ABCB4: variants seen among roughly 807,000 people sequenced by gnomAD.
ABCB4 encodes the protein phosphatidylcholine translocator ABCB4.
Under a neutral mutation model 145.7 loss-of-function variants are expected in ABCB4, and 76 were observed. The ratio of observed to expected loss-of-function variants is 0.52; its 90% CI spans 0.43 to 0.63. ABCB4 has a LOEUF of 0.63. ABCB4 is among the 30% of genes least tolerant of loss of function. ABCB4 has a pLI of 0.00. For synonymous variants in ABCB4, 517 were observed against 566.8 expected (o/e 0.91, Z 1.25); for missense variants, 1,234 against 1,553.1 (o/e 0.79, Z 3.45).
intron 2 of ABCB4, among the ~76,000 whole-genome samples, chr7:87,473,703 C>G (rs1813601044): frequency 6.6e-6 from 1 of 151,064 alleles, no homozygotes; most frequent in African/African-American, 2.5e-5. Flanking sequence ...GTCCTCCGTA[C>G]TATAATATAA....
At chr7:87,374,177 A>G in the ABCB4 span, among the ~76,000 whole-genome samples, 1 of 152,132 alleles carries the variant, frequency 6.6e-6, no homozygotes, top group East Asian at 1.9e-4. Context: ...AATATAAAAA[A>G]TTAGATGTGT....
At chr7:87,410,705 AC>A (rs1808558998) in intron 23 of ABCB4, among the ~76,000 whole-genome samples, 1 of 151,810 alleles carries the variant, frequency 6.6e-6, no homozygotes, top group Non-Finnish European at 1.5e-5. Flanking sequence ...CTATCCCCCT[AC>A]TCCATGTCTG....
chr7:87,373,746 T>C, the ABCB4 span, among the ~76,000 whole-genome samples: 1 of 151,866 alleles, frequency 6.6e-6, no homozygotes, highest in East Asian at 1.9e-4. Context: ...GTAGACGAGA[T>C]TACCAAGGGA....
Position 87,422,246 on chromosome 7 carries a change from C to T in ABCB4, c.2212-21G>A, listed in dbSNP as rs191593545. ...AAAATCTACAAAAGAATATTTAAAA[C>T]GCCCACTTGGATTACATAACTGATC... is the stretch of plus-strand genomic sequence containing the variant. On this transcript the variant is annotated intron_variant, in intron 17 of 27. Transcript: ENST00000649586. The T allele has an allele frequency of 3.2e-5, 50 of 1,572,590 alleles. No individual in the cohort carries two copies. In the East Asian group the frequency reaches 4.3e-4, roughly 14 times the overall value.
chr7:87,443,703 T>C lies in ABCB4; in HGVS notation c.1190A>G (p.Asn397Ser), dbSNP rs765665155. ...AGAAGGGTAAGAAAAGTGAACATCATTGAACTCCAAATTCCCTTTGATGCT... is the reference window on the plus strand; with the variant it reads ...AGAAGGGTAAGAAAAGTGAACATCACTGAACTCCAAATTCCCTTTGATGCT... ...PDSIKGNLEF[N>S]DVHFSYPSRA... Residue 397 changes from asparagine (N) to serine (S), a missense_variant, in exon 11 of 28, where the codon AAT (asparagine) becomes AGT (serine). This residue lies in a region of ABCB4 where 467 missense variants were observed against 632.8 expected (regional missense o/e 0.74). Coordinates refer to ENST00000649586, the MANE Select transcript of ABCB4 (RefSeq NM_000443.4). 2.5e-6 allele frequency: 4 copies of C among 1,614,066 alleles called. No homozygotes were observed. Among genetic ancestry groups the C allele is most frequent in the African/African-American group, 1.3e-5 (1 of 75,058 alleles).
chr7:87,441,477 T>C (rs1180479442), intron 12 of ABCB4, among the ~76,000 whole-genome samples: 1 of 152,160 alleles, frequency 6.6e-6, no homozygotes, highest in Non-Finnish European at 1.5e-5. Flanking sequence ...ATGTTCATAA[T>C]GAGCAGGGTT....
chr7:87,408,052 G>A lies in ABCB4; in HGVS notation c.3264C>T (p.Pro1088=). The A allele has an allele frequency of 6.2e-7, 1 of 1,613,938 alleles. No homozygotes were observed. The highest frequency in any genetic ancestry group is 2.2e-5 in the East Asian group (1 of 44,886). ...VVQLLERFYD[P]LAGTVLLDGQ... Reference sequence around the variant, plus strand: ...ATGTGCTCACCACTGTCCCCGCCAAGGGGTCGTAGAACCGCTCCAGGAGCT... The same window carrying A: ...ATGTGCTCACCACTGTCCCCGCCAAAGGGTCGTAGAACCGCTCCAGGAGCT... The change falls in exon 25 of 28, where the codon CCC becomes CCT. Residue 1088 remains proline, a synonymous_variant. Coordinates refer to ENST00000649586, the MANE Select transcript of ABCB4 (RefSeq NM_000443.4).
At chr7:87,371,406 G>A in the ABCB4 span, among the ~76,000 whole-genome samples, 1 of 152,010 alleles carries the variant, frequency 6.6e-6, no homozygotes, top group Admixed American at 6.5e-5. Context: ...TCCATCAAAT[G>A]GATATATTAT....
intron 21 of ABCB4, among the ~76,000 whole-genome samples, chr7:87,415,427 T>C (rs1189062299): frequency 6.6e-6 from 1 of 152,218 alleles, no homozygotes; most frequent in Non-Finnish European, 1.5e-5. Context: ...TAAACTATGA[T>C]TGAACTGCTG....
At chr7:87,427,145 T>G (rs1218981685) in intron 15 of ABCB4, among the ~76,000 whole-genome samples, 1 of 151,994 alleles carries the variant, frequency 6.6e-6, no homozygotes, top group East Asian at 1.9e-4. Flanking sequence ...AATCGGAGTA[T>G]AAGAATATTT....
At position 87,411,947 on chromosome 7, in the gene ABCB4, C is replaced by A. The variant is rs1808653705; in HGVS notation, c.2870G>T (p.Arg957Leu). ...ATTCACAATGAGATATGCACCAAAT[C>A]GAAAACAACCGGCATAGGAAAAATA... ...FMYFSYAGCF[R>L]FGAYLIVNGH... The change falls in exon 23 of 28, where the codon CGA (arginine) becomes CTA (leucine). Residue 957 changes from arginine to leucine, a missense_variant. By Grantham distance (102) the Arg-to-Leu change is moderately radical (BLOSUM62 -2). Coordinates refer to ENST00000649586, the MANE Select transcript of ABCB4 (RefSeq NM_000443.4). 3.7e-6 allele frequency: 6 copies of A among 1,613,864 alleles called. No homozygotes were observed. Among genetic ancestry groups the A allele is most frequent in the Non-Finnish European group, 5.1e-6 (6 of 1,179,830 alleles).
chr7:87,416,325 A>C (rs1364821908), intron 21 of ABCB4, among the ~76,000 whole-genome samples: 1 of 152,232 alleles, frequency 6.6e-6, no homozygotes, highest in Non-Finnish European at 1.5e-5. Context: ...TCACTCACCC[A>C]GTCTCTGACG....
the ABCB4 span, chr7:87,377,540 A>G: frequency 2.6e-5 from 19 of 728,768 alleles, 2 homozygotes; most frequent in African/African-American, 2.5e-4. Context: ...GGAACAGTGT[A>G]AGTGAATAGT....
the ABCB4 span, among the ~76,000 whole-genome samples, chr7:87,366,578 C>G: frequency 6.6e-6 from 1 of 152,122 alleles, no homozygotes; most frequent in Middle Eastern, 3.2e-3. Context: ...TCTTTCAGTA[C>G]TCCAACTCAG....
At chr7:87,395,120 C>T in the ABCB4 span, among the ~76,000 whole-genome samples, 1 of 152,118 alleles carries the variant, frequency 6.6e-6, no homozygotes, top group African/African-American at 2.4e-5. Context: ...ATCACAAGGT[C>T]CCACAATAGG....
intron 14 of ABCB4, among the ~76,000 whole-genome samples, chr7:87,435,983 A>G (rs1211691523): frequency 6.6e-6 from 1 of 152,212 alleles, no homozygotes; most frequent in Non-Finnish European, 1.5e-5. Flanking sequence ...TTTGACAAAA[A>G]TATTTCCTGC....
In ABCB4 at chr7:87,418,517, G is replaced by A; in HGVS notation, c.2478+20C>T. On this transcript the variant is annotated intron_variant, in intron 20 of 27. Coordinates refer to ENST00000649586, the MANE Select transcript of ABCB4 (RefSeq NM_000443.4). ...AACCATGTTATGTAAAAAACTACAA[G>A]TAGAGTGCAGTCTACCTACTCCTTG... 1 of 1,609,930 alleles carries A rather than the reference G, an allele frequency of 6.2e-7. No homozygotes were observed.
intron 17 of ABCB4, 88 bp from the exon 18 acceptor site, chr7:87,422,313 G>A (rs1809501129): frequency 1.0e-6 from 1 of 1,000,148 alleles, no homozygotes; most frequent in Admixed American, 1.9e-5. Flanking sequence ...AGTGTCACAT[G>A]TTTAAAACTA....
At chr7:87,374,378 G>A in the ABCB4 span, among the ~76,000 whole-genome samples, 5 of 151,868 alleles carry the variant, frequency 3.3e-5, no homozygotes, top group African/African-American at 7.3e-5. Context: ...CTTGTAAAAC[G>A]AACATGAAAA....
Sources: allele counts gnomAD v4.1 joint callset (sites outside exome capture counted in the v4.1 genomes callset), GRCh38; gene constraint gnomAD v4.1.1; regional missense constraint gnomAD v4.1.1; transcripts MANE v1.5; gene names NCBI Gene and HGNC (gene_info 2026-07-23, HGNC 2026-07-21).